The following GATA6 variants were observed in gnomAD, a reference collection of about 807,000 sequenced individuals.
The protein encoded by GATA6 is transcription factor GATA-6.
GATA6 carries 11 observed loss-of-function variants against 48.1 expected under a neutral mutation model. The ratio of observed to expected loss-of-function variants is 0.23; its 90% CI spans 0.14 to 0.38. GATA6 has a LOEUF of 0.38. GATA6 is among the 10% of genes least tolerant of loss of function. GATA6 has a pLI of 1.00. For missense variants in GATA6, 795 were observed against 850.3 expected (o/e 0.93, Z 0.81); for synonymous variants, 419 against 396.1 (o/e 1.06, Z -0.69).
chr18:22,193,287 A>C (rs1464646332), intron 6 of GATA6, among the ~76,000 whole-genome samples: 1 of 152,082 alleles, frequency 6.6e-6, no homozygotes, highest in Non-Finnish European at 1.5e-5. Flanking sequence ...GTGTGTGTTC[A>C]TGTGTCTTTC....
rs767451992 is a variant in GATA6, at chr18:22,200,884, T to G, written c.*61T>G. On this transcript the variant is annotated 3_prime_UTR_variant, in exon 7 of 7. Transcript: ENST00000269216. ...CGGGCCTCACTCCACTCGTGTCTGCTTTTGTGCAGCGGTCCAGACAGTGGC... is the reference window on the plus strand; with the variant it reads ...CGGGCCTCACTCCACTCGTGTCTGCGTTTGTGCAGCGGTCCAGACAGTGGC... 2 of 1,536,840 alleles carry G rather than the reference T, an allele frequency of 1.3e-6. No individual in the cohort carries two copies. The highest frequency in any genetic ancestry group is 1.8e-6 in the Non-Finnish European group (2 of 1,132,176).
At chr18:22,173,137 G>T (rs1257338621) in intron 2 of GATA6, among the ~76,000 whole-genome samples, 1 of 152,176 alleles carries the variant, frequency 6.6e-6, no homozygotes, top group African/African-American at 2.4e-5. Context: ...CCGTGAAAAC[G>T]CTATTGTCAA....
intron 6 of GATA6, among the ~76,000 whole-genome samples, chr18:22,188,594 C>G (rs528208229): frequency 6.6e-6 from 1 of 152,272 alleles, no homozygotes; most frequent in Non-Finnish European, 1.5e-5. Context: ...TATTTCAAAT[C>G]AACGATGGAC....
chr18:22,188,636 GT>G (rs2033292481), intron 6 of GATA6, among the ~76,000 whole-genome samples: 1 of 152,194 alleles, frequency 6.6e-6, no homozygotes, highest in Non-Finnish European at 1.5e-5. Context: ...TGACAAATGT[GT>G]TTTCTGTCTG....
chr18:22,197,938 T>C (rs925378871), intron 6 of GATA6, among the ~76,000 whole-genome samples: 3 of 152,126 alleles, frequency 2.0e-5, no homozygotes, highest in Non-Finnish European at 4.4e-5. Flanking sequence ...CAGTCGACTT[T>C]CTAATGTGTA....
At chr18:22,176,819 G>C in intron 2 of GATA6, 136 bp from the exon 3 acceptor site, 1 of 1,025,728 alleles carries the variant, frequency 9.7e-7, no homozygotes, top group Non-Finnish European at 1.4e-6. Context: ...TTGCGGCCAA[G>C]GAGAAAAGCT....
At chr18:22,199,900 CAAAAAAAAAAAAAA>C (rs35638046) in intron 6 of GATA6, among the ~76,000 whole-genome samples, 3 of 68,352 alleles carry the variant, frequency 4.4e-5, no homozygotes, top group African/African-American at 9.9e-5. Context: ...GACTCTGTTT[CAAAAAAAAAAAAAA>C]AAAAAAAAAG....
chr18:22,178,208 G>T (rs897782834), intron 3 of GATA6, among the ~76,000 whole-genome samples: 4 of 151,770 alleles, frequency 2.6e-5, no homozygotes, highest in African/African-American at 9.7e-5. Context: ...ATGTGATCCC[G>T]CCCGCCTCGG....
At chr18:22,190,299 A>G (rs929825802) in intron 6 of GATA6, among the ~76,000 whole-genome samples, 3 of 152,188 alleles carry the variant, frequency 2.0e-5, no homozygotes, top group African/African-American at 7.2e-5. Context: ...AGTAAAAATT[A>G]CTTTTGTTGA....
chr18:22,195,144 C>A (rs561278485), intron 6 of GATA6, among the ~76,000 whole-genome samples: 1 of 152,102 alleles, frequency 6.6e-6, no homozygotes, highest in South Asian at 2.1e-4. Flanking sequence ...CCAGCCTGGG[C>A]GACAGAGTGA....
At chr18:22,179,851 T>C (rs771641940) in intron 3 of GATA6, among the ~76,000 whole-genome samples, 2 of 152,232 alleles carry the variant, frequency 1.3e-5, no homozygotes, top group Non-Finnish European at 2.9e-5. Context: ...CTAAAAGGTT[T>C]GCCAGTGTCT....
chr18:22,191,474 G>T (rs925513887), intron 6 of GATA6, among the ~76,000 whole-genome samples: 111 of 151,330 alleles, frequency 7.3e-4, no homozygotes, highest in African/African-American at 2.5e-3. Flanking sequence ...GCTCTGAAAG[G>T]TTATTGCTAA....
intron 6 of GATA6, among the ~76,000 whole-genome samples, chr18:22,198,074 C>CT (rs67205814): frequency 0.021 from 2,641 of 126,322 alleles, 71 homozygotes; most frequent in African/African-American, 0.079. Context: ...CTCTTTCTTT[C>CT]TTTTTTTTTT....
chr18:22,171,441 C>T lies in GATA6; in HGVS notation c.297C>T (p.Val99=), dbSNP rs2143275034. The T allele has an allele frequency of 4.4e-6, 7 of 1,593,368 alleles. No individual in the cohort carries two copies. The highest frequency in any genetic ancestry group is 4.2e-6 in the Non-Finnish European group (5 of 1,177,108). ...GAPHGPSAPG[V]AGPGGNLSSW... is the part of the protein sequence containing the mutation. ...CCCACGGACCTTCGGCGCCTGGGGT[C>T]GCGGGCCCCGGGGGCAACCTGTCGA... Residue 99 remains valine, a synonymous_variant, in exon 2 of 7, where the codon GTC becomes GTT. Coordinates refer to ENST00000269216, the MANE Select transcript of GATA6 (RefSeq NM_005257.6). The surrounding 1 kb of genome is among the most constrained non-coding windows in gnomAD (Gnocchi z 7.1).
At chr18:22,198,351 A>C (rs35886787) in intron 6 of GATA6, among the ~76,000 whole-genome samples, 17,738 of 152,226 alleles carry the variant, frequency 0.12, 1,340 homozygotes, top group Admixed American at 0.21. Flanking sequence ...GATTAAAGGC[A>C]CGAGCCACCG....
At chr18:22,184,534 C>T (rs577219227) in intron 6 of GATA6, among the ~76,000 whole-genome samples, 9 of 151,754 alleles carry the variant, frequency 5.9e-5, no homozygotes, top group African/African-American at 2.2e-4. Flanking sequence ...TTGCTGTCAC[C>T]GAGGCTGGAG....
chr18:22,190,504 G>GTT (rs201148240), intron 6 of GATA6, among the ~76,000 whole-genome samples: 1 of 147,984 alleles, frequency 6.8e-6, no homozygotes, highest in African/African-American at 2.5e-5. Context: ...TGAAGTGCCT[G>GTT]TTTTTTTTTT....
chr18:22,181,508 C>G lies in GATA6; in HGVS notation c.1358C>G (p.Thr453Ser), dbSNP rs1372057638. Residue 453 changes from threonine (T) to serine (S), a missense_variant, in exon 4 of 7, where the codon ACC becomes AGC. Thr to Ser is a moderately conservative substitution (Grantham distance 58). Around this residue, in one of 5 missense-constraint regions of GATA6, gnomAD observed 76 missense variants for 113.1 expected, o/e 0.67. Coordinates refer to ENST00000269216, the MANE Select transcript of GATA6 (RefSeq NM_005257.6). Reference sequence around the variant, plus strand: ...GCCAACTGTCACACCACAACTACCACCTTATGGCGCAGAAACGCCGAGGGT... The same window carrying G: ...GCCAACTGTCACACCACAACTACCAGCTTATGGCGCAGAAACGCCGAGGGT... ...SCANCHTTTT[T>S]LWRRNAEGEP... The G allele has an allele frequency of 3.1e-6, 5 of 1,614,086 alleles. No individual in the cohort carries two copies. The highest frequency in any genetic ancestry group is 4.2e-6 in the Non-Finnish European group (5 of 1,180,042).
intron 6 of GATA6, among the ~76,000 whole-genome samples, chr18:22,191,116 C>CATTGAATGCA (rs1489107538): frequency 6.2e-5 from 9 of 144,178 alleles, no homozygotes; most frequent in Non-Finnish European, 1.1e-4. Context: ...GCATTGTGTG[C>CATTGAATGCA]TACATCAATA....
Sources: allele counts gnomAD v4.1 joint callset (sites outside exome capture counted in the v4.1 genomes callset), GRCh38; gene constraint gnomAD v4.1.1; regional missense constraint gnomAD v4.1.1; non-coding constraint Gnocchi (gnomAD v3.1); transcripts MANE v1.5; gene names NCBI Gene and HGNC (gene_info 2026-07-23, HGNC 2026-07-21).